PRKN: variants seen among roughly 807,000 people sequenced by gnomAD.
The protein encoded by PRKN is parkin RBR E3 ubiquitin protein ligase.
A neutral mutation model predicts 59.5 loss-of-function variants in PRKN; 56 were observed. The observed-to-expected ratio is 0.94, with a 90% CI of 0.76 to 1.18. The LOEUF (loss-of-function observed/expected upper bound fraction) is 1.18. Among genes scored for constraint, PRKN ranks in the 50% most tolerant of loss-of-function variants. PRKN has a pLI of 0.00. For missense variants in PRKN, 657 were observed against 596.4 expected (o/e 1.10, Z -1.06); for synonymous variants, 250 against 222.1 (o/e 1.13, Z -1.12).
chr6:161,464,497 G>T (rs1391584603), intron 9 of PRKN, among the ~76,000 whole-genome samples: 1 of 151,866 alleles, frequency 6.6e-6, no homozygotes, highest in Non-Finnish European at 1.5e-5. Context: ...GATGAGTTTT[G>T]GCAATATATG....
At chr6:162,421,786 T>C (rs1258457734) in intron 2 of PRKN, among the ~76,000 whole-genome samples, 1 of 152,192 alleles carries the variant, frequency 6.6e-6, no homozygotes, top group Admixed American at 6.5e-5. Context: ...TTACATAATG[T>C]TGACCAGTAA....
chr6:161,920,136 C>A (rs1778723524), intron 6 of PRKN, among the ~76,000 whole-genome samples: 1 of 152,200 alleles, frequency 6.6e-6, no homozygotes, highest in African/African-American at 2.4e-5. Context: ...ATAATCCCAG[C>A]ACTTTGGGGT....
chr6:162,208,831 A>G (rs1032524359), intron 3 of PRKN, among the ~76,000 whole-genome samples: 1 of 152,176 alleles, frequency 6.6e-6, no homozygotes, highest in Non-Finnish European at 1.5e-5. Context: ...TGACATCTCT[A>G]TAGCCTGGGG....
intron 3 of PRKN, among the ~76,000 whole-genome samples, chr6:162,244,904 A>G (rs1030204778): frequency 1.3e-5 from 2 of 152,116 alleles, no homozygotes; most frequent in African/African-American, 4.8e-5. Flanking sequence ...TCAGTTCTCC[A>G]TAAAAGAAGG....
chr6:162,381,339 T>C (rs1246848157), intron 2 of PRKN, among the ~76,000 whole-genome samples: 1 of 152,216 alleles, frequency 6.6e-6, no homozygotes, highest in Non-Finnish European at 1.5e-5. Context: ...TAAAAAATTT[T>C]CACAGTATCT....
chr6:162,264,352 A>G (rs976913826), intron 2 of PRKN, among the ~76,000 whole-genome samples: 6 of 152,154 alleles, frequency 3.9e-5, no homozygotes, highest in Admixed American at 2.6e-4. Flanking sequence ...TTGTCATTTT[A>G]GGAATGCTCC....
At chr6:161,528,558 G>A (rs1779094016) in intron 9 of PRKN, among the ~76,000 whole-genome samples, 1 of 152,186 alleles carries the variant, frequency 6.6e-6, no homozygotes, top group Non-Finnish European at 1.5e-5. Flanking sequence ...GTGTCCAAGT[G>A]GAAATGGGGT....
chr6:161,707,582 G>T (rs936896950), intron 7 of PRKN, among the ~76,000 whole-genome samples: 2 of 152,170 alleles, frequency 1.3e-5, no homozygotes, highest in Non-Finnish European at 2.9e-5. Context: ...GTCACACTTT[G>T]AACAGCAGTA....
At chr6:162,381,970 A>G (rs570341155) in intron 2 of PRKN, among the ~76,000 whole-genome samples, 2 of 152,282 alleles carry the variant, frequency 1.3e-5, no homozygotes, top group South Asian at 4.1e-4. Flanking sequence ...CAGGAGACAC[A>G]CAAGCAGACC....
rs182144987 is a variant in PRKN at position 161,958,770 on chromosome 6, C to T, written c.734+14532G>A. 2.0e-5 allele frequency among the ~76,000 whole-genome samples: 3 copies of T among 151,984 alleles called. No homozygotes were observed. In the East Asian group the frequency reaches 5.8e-4, roughly 30 times the overall value. ...TGGTGGGTATCTGTAATCCCAGCTA[C>T]TTGGGAGGCTGAGGCAGAAGAATTG... On this transcript the variant is annotated intron_variant, in intron 6 of 11. Coordinates refer to ENST00000366898, the MANE Select transcript of PRKN (RefSeq NM_004562.3).
At chr6:161,860,227 G>T (rs968769049) in intron 6 of PRKN, among the ~76,000 whole-genome samples, 2 of 152,162 alleles carry the variant, frequency 1.3e-5, no homozygotes, top group Non-Finnish European at 2.9e-5. Context: ...CTGCCTTTTT[G>T]AGTGTATTGA....
chr6:161,795,710 C>G (rs1158789688), intron 6 of PRKN, among the ~76,000 whole-genome samples: 1 of 152,050 alleles, frequency 6.6e-6, no homozygotes, highest in Non-Finnish European at 1.5e-5. Flanking sequence ...TCAGGGACAC[C>G]TTGGAAGATC....
At chr6:162,054,734 A>T (rs1777788179) in intron 4 of PRKN, among the ~76,000 whole-genome samples, 1 of 152,210 alleles carries the variant, frequency 6.6e-6, no homozygotes, top group South Asian at 2.1e-4. Flanking sequence ...AATTCAATAA[A>T]AGCAACACTT....
At chr6:162,080,508 A>G (rs1217352038) in intron 4 of PRKN, among the ~76,000 whole-genome samples, 1 of 152,150 alleles carries the variant, frequency 6.6e-6, no homozygotes, top group African/African-American at 2.4e-5. Context: ...GTGCACACAA[A>G]AAGTATGCTT....
At chr6:161,964,731 G>A (rs1306442684) in intron 6 of PRKN, among the ~76,000 whole-genome samples, 2 of 151,974 alleles carry the variant, frequency 1.3e-5, no homozygotes, top group Non-Finnish European at 2.9e-5. Flanking sequence ...ACTGTGAAAG[G>A]CTATGTTAAA....
intron 9 of PRKN, among the ~76,000 whole-genome samples, chr6:161,389,562 G>A (rs535985412): frequency 6.6e-6 from 1 of 152,282 alleles, no homozygotes; most frequent in South Asian, 2.1e-4. Context: ...AACTAAAAGC[G>A]AATTCACTGA....
At chr6:161,616,642 AC>A (rs1782707744) in intron 7 of PRKN, among the ~76,000 whole-genome samples, 1 of 151,870 alleles carries the variant, frequency 6.6e-6, no homozygotes, top group South Asian at 2.1e-4. Flanking sequence ...ACTCCCACTT[AC>A]GAGTGAGAAC....
chr6:162,323,659 A>C (rs564783498), intron 2 of PRKN, among the ~76,000 whole-genome samples: 15 of 152,232 alleles, frequency 9.9e-5, no homozygotes, highest in African/African-American at 3.1e-4. Context: ...GATGTGCAAC[A>C]TTTTTAGTCA....
chr6:162,442,177 T>C (rs964973200), intron 2 of PRKN, among the ~76,000 whole-genome samples: 19 of 152,202 alleles, frequency 1.2e-4, no homozygotes, highest in African/African-American at 3.9e-4. Flanking sequence ...GTAGCTTCTT[T>C]GTATACCCAA....
Sources: allele counts gnomAD v4.1 joint callset (sites outside exome capture counted in the v4.1 genomes callset), GRCh38; gene constraint gnomAD v4.1.1; transcripts MANE v1.5; gene names NCBI Gene and HGNC (gene_info 2026-07-23, HGNC 2026-07-21).